ZMYM2: variants seen among roughly 807,000 people sequenced by gnomAD.
ZMYM2 encodes the protein zinc finger MYM-type protein 2.
In ZMYM2, 56 loss-of-function variants were observed where a neutral mutation model predicts 162.8. That is an observed-to-expected ratio of 0.34 (90% CI 0.28 to 0.43). The LOEUF (loss-of-function observed/expected upper bound fraction) is 0.43. ZMYM2 is among the 20% of genes least tolerant of loss of function. The pLI, the probability that ZMYM2 is intolerant of heterozygous loss-of-function variation, is 1.00. For synonymous variants in ZMYM2, 510 were observed against 541.6 expected, an observed-to-expected ratio of 0.94 and a Z score of 0.81; for missense variants, 1,275 against 1,621.8, an observed-to-expected ratio of 0.79 and a Z score of 3.67.
At chr13:20,000,339 A>G (rs1950302716) in intron 3 of ZMYM2, among the ~76,000 whole-genome samples, 1 of 152,234 alleles carries the variant, frequency 6.6e-6, no homozygotes, top group Admixed American at 6.5e-5. Flanking sequence ...GTGAAGCTGC[A>G]AGTGCTGACG....
At chr13:19,883,014 T>C in the ZMYM2 span, among the ~76,000 whole-genome samples, 4 of 152,182 alleles carry the variant, frequency 2.6e-5, no homozygotes, top group East Asian at 1.9e-4. Flanking sequence ...TATCCATTAA[T>C]GGACGAAAGG....
At chr13:20,067,798 C>T (rs1013087506) in intron 21 of ZMYM2, among the ~76,000 whole-genome samples, 1 of 152,182 alleles carries the variant, frequency 6.6e-6, no homozygotes, top group South Asian at 2.1e-4. Flanking sequence ...ACTTCATCCA[C>T]ATGTCTATGA....
At chr13:20,009,465 A>G (rs545636145) in intron 6 of ZMYM2, among the ~76,000 whole-genome samples, 1 of 152,314 alleles carries the variant, frequency 6.6e-6, no homozygotes, top group South Asian at 2.1e-4. Context: ...TATATAAGTG[A>G]GTGGCATTAG....
At chr13:20,030,418 A>C (rs1201148164) in intron 9 of ZMYM2, among the ~76,000 whole-genome samples, 1 of 73,900 alleles carries the variant, frequency 1.4e-5, no homozygotes, top group South Asian at 3.9e-4. Context: ...TTTTTTTTTG[A>C]GACGGAGTCT....
At chr13:19,938,430 C>G in the ZMYM2 span, among the ~76,000 whole-genome samples, 1 of 152,084 alleles carries the variant, frequency 6.6e-6, no homozygotes, top group South Asian at 2.1e-4. Context: ...CCTGGGAGGC[C>G]AACGTTGCAG....
chr13:20,072,058 C>A, intron 21 of ZMYM2: 1 of 168,382 alleles, frequency 5.9e-6, no homozygotes, highest in South Asian at 1.8e-4. Context: ...TCATCTTGGT[C>A]TCTTCAGCTT....
intron 2 of ZMYM2, among the ~76,000 whole-genome samples, chr13:19,976,305 C>T (rs959911903): frequency 3.5e-5 from 5 of 144,702 alleles, no homozygotes; most frequent in East Asian, 2.0e-4. Flanking sequence ...TCCAGCCTGG[C>T]GACAGAGTGA....
At position 19,993,200 on chromosome 13, in the gene ZMYM2, T is replaced by A; in HGVS notation, c.128T>A (p.Val43Glu). 1 of 1,614,044 alleles carries A rather than the reference T, an allele frequency of 6.2e-7. No individual in the cohort carries two copies. The highest frequency in any genetic ancestry group is 8.5e-7 in the Non-Finnish European group (1 of 1,179,938). Reference protein sequence around the residue: ...NSFSGPANPLVSRSNKFQNSS... With the variant: ...NSFSGPANPLESRSNKFQNSS... ...TTTAGTGGTCCAGCTAATCCTTTAG[T>A]GTCTAGATCTAATAAGTTTCAGAAC... is the stretch of plus-strand genomic sequence containing the variant. Residue 43 changes from valine (V) to glutamate (E), a missense_variant, in exon 3 of 25, where the codon GTG becomes GAG. Transcript: ENST00000610343.
chr13:19,939,726 C>T, the ZMYM2 span, among the ~76,000 whole-genome samples: 1 of 152,036 alleles, frequency 6.6e-6, no homozygotes, highest in Non-Finnish European at 1.5e-5. Flanking sequence ...TTACTATTAG[C>T]CATGAAAAAG....
chr13:19,903,761 A>T, the ZMYM2 span, among the ~76,000 whole-genome samples: 7 of 151,442 alleles, frequency 4.6e-5, no homozygotes, highest in African/African-American at 1.7e-4. Context: ...AGATGGGAGG[A>T]TCACTTGAGC....
chr13:20,025,002 C>T (rs1038376010), intron 7 of ZMYM2: 1 of 213,336 alleles, frequency 4.7e-6, no homozygotes, highest in Admixed American at 5.9e-5. Flanking sequence ...TTTTTCTATT[C>T]GTTTCAAGCT....
chr13:19,884,865 T>G, the ZMYM2 span, among the ~76,000 whole-genome samples: 5 of 152,082 alleles, frequency 3.3e-5, no homozygotes, highest in African/African-American at 9.7e-5. Flanking sequence ...CAATTGCGGG[T>G]GCGGGTGGCC....
intron 3 of ZMYM2, among the ~76,000 whole-genome samples, chr13:19,994,537 T>C (rs1240128800): frequency 2.0e-5 from 3 of 152,168 alleles, no homozygotes; most frequent in Non-Finnish European, 2.9e-5. Context: ...TCACCCAGGC[T>C]GGAGTGCAGT....
rs536460167 is a variant in ZMYM2 at position 20,025,573 on chromosome 13, C to T, written c.1585-1039C>T. The stretch of plus-strand genomic sequence containing the variant: ...ACTCCTGGGCTCAAGCATTCCACCT[C>T]CCTAGGCTTCCCGGTGTGCTGGGTT... On this transcript the variant is annotated intron_variant, in intron 7 of 24. Coordinates refer to ENST00000610343, the MANE Select transcript of ZMYM2 (RefSeq NM_197968.4). 5 of 158,336 alleles carry T rather than the reference C, an allele frequency of 3.2e-5. No individual in the cohort carries two copies. The Admixed American group carries it at 3.2e-4, about 10-fold the overall frequency. 9.8% of individuals were successfully genotyped at this position (158,336 alleles called of 1,614,324 possible). A position where few individuals can be genotyped will look rare whatever the true frequency, so the allele number is the denominator to read the frequency against.
chr13:20,086,195 G>A lies in ZMYM2; in HGVS notation c.*181G>A. 1 of 475,730 alleles carries A rather than the reference G, an allele frequency of 2.1e-6. No homozygotes were observed. Among genetic ancestry groups the A allele is most frequent in the Admixed American group, 3.7e-5 (1 of 27,016 alleles). The allele number at this position is 475,730 out of a possible 1,614,324, so 29.5% of individuals were successfully genotyped here. A position where few individuals can be genotyped will look rare whatever the true frequency, so the allele number is the denominator to read the frequency against. On this transcript the variant is annotated 3_prime_UTR_variant, in exon 25 of 25. Coordinates refer to ENST00000610343, the MANE Select transcript of ZMYM2 (RefSeq NM_197968.4). The stretch of plus-strand genomic sequence containing the variant: ...GAAAGTTGCCATTATTCTATGTAGT[G>A]GTTTTAGGATACTTAACAAATACAT...
At chr13:19,906,667 C>G in the ZMYM2 span, among the ~76,000 whole-genome samples, 1 of 151,812 alleles carries the variant, frequency 6.6e-6, no homozygotes, top group Non-Finnish European at 1.5e-5. Flanking sequence ...CCTTGGCCTC[C>G]TGGGCTTAAG....
At chr13:19,935,088 T>C in the ZMYM2 span, among the ~76,000 whole-genome samples, 1 of 152,040 alleles carries the variant, frequency 6.6e-6, no homozygotes, top group Non-Finnish European at 1.5e-5. Flanking sequence ...TTCAATGTGA[T>C]TTTGTGTTTG....
chr13:19,988,728 A>C (rs1051344284), intron 2 of ZMYM2, among the ~76,000 whole-genome samples: 13 of 152,172 alleles, frequency 8.5e-5, no homozygotes, highest in African/African-American at 3.1e-4. Flanking sequence ...GGTTGCGGTG[A>C]GCAAGATCGA....
chr13:19,958,426 G>C (rs1954712417), upstream of ZMYM2, among the ~76,000 whole-genome samples: 2 of 152,062 alleles, frequency 1.3e-5, no homozygotes, highest in African/African-American at 2.4e-5. Context: ...ACGGCGGGCA[G>C]CGAATCTCGG....
Sources: gnomAD v4.1 joint callset for allele counts (sites outside exome capture counted in the v4.1 genomes callset) on GRCh38, gnomAD v4.1.1 for gene constraint, MANE v1.5 for transcripts, NCBI Gene and HGNC (gene_info 2026-07-23, HGNC 2026-07-21) for gene names.